GPC5: variants seen among roughly 807,000 people sequenced by gnomAD.
GPC5 encodes glypican-5.
A neutral mutation model predicts 53.9 loss-of-function variants in GPC5; 47 were observed. The ratio of observed to expected loss-of-function variants is 0.87; its 90% CI spans 0.69 to 1.11. The LOEUF is 1.11. Among genes scored for constraint, GPC5 ranks in the 50% most tolerant of loss-of-function variants. The probability of loss-of-function intolerance (pLI) is 0.00; values close to 1 mark genes in which losing one functional copy is unlikely to be tolerated. For missense variants in GPC5, 748 were observed against 713.1 expected, an observed-to-expected ratio of 1.05 and a Z score of -0.56; for synonymous variants, 286 against 263.3, an observed-to-expected ratio of 1.09 and a Z score of -0.84.
chr13:92,060,038 T>C (rs1310428759), intron 6 of GPC5: 2 of 151,668 alleles, frequency 1.3e-5, no homozygotes, highest in African/African-American at 2.4e-5. Context: ...TAAAATGGAG[T>C]TTTTCATATT....
intron 5 of GPC5, among the ~76,000 whole-genome samples, chr13:91,786,433 C>CCTGTACAT (rs763092639): frequency 5.3e-5 from 8 of 152,152 alleles, no homozygotes; most frequent in Non-Finnish European, 1.2e-4. Context: ...TTTTTTGTTA[C>CCTGTACAT]CTGTACATCT....
At chr13:92,743,797 G>T (rs995576391) in intron 7 of GPC5, among the ~76,000 whole-genome samples, 14 of 152,202 alleles carry the variant, frequency 9.2e-5, no homozygotes, top group South Asian at 8.3e-4. Context: ...TAACATGAAG[G>T]CTGTTGAATT....
At chr13:91,622,378 A>T (rs1217747396) in intron 2 of GPC5, among the ~76,000 whole-genome samples, 1 of 152,142 alleles carries the variant, frequency 6.6e-6, no homozygotes, top group Non-Finnish European at 1.5e-5. Context: ...CATCTGTAAG[A>T]TATAGAAATG....
chr13:92,804,689 G>A (rs1877028619), intron 7 of GPC5, among the ~76,000 whole-genome samples: 1 of 151,944 alleles, frequency 6.6e-6, no homozygotes, highest in South Asian at 2.1e-4. Flanking sequence ...CAACAATGAA[G>A]TCTGCCACAG....
intron 7 of GPC5, among the ~76,000 whole-genome samples, chr13:92,576,197 A>G (rs1363971750): frequency 2.6e-5 from 4 of 152,204 alleles, no homozygotes; most frequent in Non-Finnish European, 1.5e-5. Context: ...AAACCTTCAG[A>G]GACATAAATG....
intron 3 of GPC5, among the ~76,000 whole-genome samples, chr13:91,708,583 A>G (rs1182339854): frequency 3.3e-5 from 5 of 152,188 alleles, no homozygotes; most frequent in Non-Finnish European, 5.9e-5. Context: ...GGTAACAAAA[A>G]TATTGTAAAA....
At chr13:91,524,337 G>A (rs1041894274) in intron 2 of GPC5, among the ~76,000 whole-genome samples, 1 of 151,720 alleles carries the variant, frequency 6.6e-6, no homozygotes, top group Non-Finnish European at 1.5e-5. Context: ...GTTTTTTTAT[G>A]TTTTTCAATT....
At chr13:91,852,466 T>A (rs1176261971) in intron 5 of GPC5, among the ~76,000 whole-genome samples, 1 of 152,040 alleles carries the variant, frequency 6.6e-6, no homozygotes, top group African/African-American at 2.4e-5. Flanking sequence ...TTTAGAAATA[T>A]GTCCATGGTG....
Position 92,308,743 on chromosome 13 carries a change from C to T in GPC5, c.1561+163754C>T, listed in dbSNP as rs560652939. ...TAAAGATTTGTGAAAAAGAGAGACTCGATAGGAGCTTCTGATATTGACTTT... is the reference window on the plus strand; with the variant it reads ...TAAAGATTTGTGAAAAAGAGAGACTTGATAGGAGCTTCTGATATTGACTTT... On this transcript the variant is annotated intron_variant, in intron 7 of 7. Coordinates refer to ENST00000377067, the MANE Select transcript of GPC5 (RefSeq NM_004466.6). 9.2e-5 allele frequency among the ~76,000 whole-genome samples: 14 copies of T among 152,144 alleles called. No homozygotes were observed. In the East Asian group the frequency reaches 2.3e-3, roughly 25 times the overall value.
intron 5 of GPC5, among the ~76,000 whole-genome samples, chr13:91,772,264 A>G (rs2037637915): frequency 6.6e-6 from 1 of 152,190 alleles, no homozygotes; most frequent in Non-Finnish European, 1.5e-5. Flanking sequence ...ACATGTCATA[A>G]TCTTAGAAAT....
intron 2 of GPC5, among the ~76,000 whole-genome samples, chr13:91,591,322 G>T (rs1445721340): frequency 6.6e-6 from 1 of 152,102 alleles, no homozygotes; most frequent in African/African-American, 2.4e-5. Flanking sequence ...GCCTGATGGG[G>T]TTCCATCTAT....
chr13:91,436,101 C>CA (rs1347900966), intron 1 of GPC5, among the ~76,000 whole-genome samples: 1 of 152,114 alleles, frequency 6.6e-6, no homozygotes, highest in Non-Finnish European at 1.5e-5. Flanking sequence ...GTCTTGCTAG[C>CA]AGTCTATCAA....
At chr13:92,535,492 G>A (rs1286544984) in intron 7 of GPC5, among the ~76,000 whole-genome samples, 1 of 151,942 alleles carries the variant, frequency 6.6e-6, no homozygotes, top group Non-Finnish European at 1.5e-5. Flanking sequence ...ACTAAGGGGG[G>A]GTCCAGAAGC....
At chr13:91,782,254 C>A (rs2037809978) in intron 5 of GPC5, among the ~76,000 whole-genome samples, 1 of 152,162 alleles carries the variant, frequency 6.6e-6, no homozygotes, top group Non-Finnish European at 1.5e-5. Context: ...ACTTTCCAAG[C>A]TGTGTTTTCT....
intron 7 of GPC5, among the ~76,000 whole-genome samples, chr13:92,741,311 G>A (rs993560726): frequency 6.6e-6 from 1 of 151,742 alleles, no homozygotes; most frequent in Non-Finnish European, 1.5e-5. Flanking sequence ...ATAAGTCAAG[G>A]AAGAGAGAAT....
intron 5 of GPC5, among the ~76,000 whole-genome samples, chr13:91,858,620 A>G (rs538213686): frequency 3.9e-5 from 6 of 151,904 alleles, no homozygotes; most frequent in Non-Finnish European, 8.8e-5. Flanking sequence ...ATTTCCCTGT[A>G]GTTTTATTCA....
intron 4 of GPC5, among the ~76,000 whole-genome samples, chr13:91,741,573 A>G (rs538284965): frequency 1.3e-5 from 2 of 152,220 alleles, no homozygotes; most frequent in Admixed American, 6.5e-5. Flanking sequence ...TTGCTAAGGT[A>G]GATAGATTCA....
intron 1 of GPC5, among the ~76,000 whole-genome samples, chr13:91,400,211 G>A (rs940087176): frequency 2.0e-5 from 3 of 152,218 alleles, no homozygotes; most frequent in African/African-American, 7.2e-5. Flanking sequence ...ACTTGTGGAG[G>A]ACGCTTAAGT....
chr13:91,560,152 T>A (rs1265491297), intron 2 of GPC5, among the ~76,000 whole-genome samples: 1 of 152,024 alleles, frequency 6.6e-6, no homozygotes, highest in Non-Finnish European at 1.5e-5. Flanking sequence ...GTTAAATGAG[T>A]TTGAGATGCC....
Sources: allele counts gnomAD v4.1 joint callset (sites outside exome capture counted in the v4.1 genomes callset), GRCh38; gene constraint gnomAD v4.1.1; transcripts MANE v1.5; gene names NCBI Gene and HGNC (gene_info 2026-07-23, HGNC 2026-07-21).